The following ARFGEF2 variants were observed in gnomAD, a reference collection of about 807,000 sequenced individuals.
The protein encoded by ARFGEF2 is ARF guanine nucleotide exchange factor 2, also known as brefeldin A-inhibited guanine nucleotide-exchange protein 2.
In ARFGEF2, 74 loss-of-function variants were observed where a neutral mutation model predicts 219.9. That is an observed-to-expected ratio of 0.34 (90% CI 0.28 to 0.41). The LOEUF (loss-of-function observed/expected upper bound fraction) is 0.41, where lower values mean the gene tolerates loss of function less well. Among genes scored for constraint, ARFGEF2 ranks in the 10% least tolerant of loss-of-function variants. ARFGEF2 has a pLI of 1.00. For missense variants in ARFGEF2, 1,743 were observed against 2,218.3 expected (o/e 0.79, Z 4.30); for synonymous variants, 733 against 799.2 (o/e 0.92, Z 1.40).
Position 48,973,209 on chromosome 20 carries a change from T to C in ARFGEF2, c.1590T>C (p.Phe530=). The change falls in exon 12 of 39, where the codon TTT becomes TTC. Residue 530 remains phenylalanine, a synonymous_variant. Coordinates refer to ENST00000371917, the MANE Select transcript of ARFGEF2 (RefSeq NM_006420.3). ...YDCDLNAANI[F]ERLVNDLSKI... ...GTGATTTAAATGCTGCTAACATTTTTGAGCGCCTTGTAAATGATTTATCCA... is the reference window on the plus strand; with the variant it reads ...GTGATTTAAATGCTGCTAACATTTTCGAGCGCCTTGTAAATGATTTATCCA... 1 of 1,614,228 alleles carries C rather than the reference T, an allele frequency of 6.2e-7. No homozygotes were observed. The highest frequency in any genetic ancestry group is 2.2e-5 in the East Asian group (1 of 44,882).
At chr20:48,927,463 C>A in intron 1 of ARFGEF2, among the ~76,000 whole-genome samples, 1 of 152,054 alleles carries the variant, frequency 6.6e-6, no homozygotes, top group East Asian at 1.9e-4. Context: ...TCGAGGCGGG[C>A]GGCTCAGTTG....
At chr20:48,953,827 TGA>T in intron 6 of ARFGEF2, 37 bp downstream of exon 6, 1 of 1,588,896 alleles carries the variant, frequency 6.3e-7, no homozygotes, top group Non-Finnish European at 8.6e-7. Context: ...TTTCCAAGTG[TGA>T]GAGGGAATCA....
intron 1 of ARFGEF2, among the ~76,000 whole-genome samples, chr20:48,926,136 A>G (rs1436614601): frequency 6.6e-6 from 1 of 152,214 alleles, no homozygotes; most frequent in African/African-American, 2.4e-5. Context: ...GTATAAACAC[A>G]GGCAATCTGG....
Position 49,033,444 on chromosome 20 carries a change from AT to A in ARFGEF2, c.*250del. On this transcript the variant is annotated 3_prime_UTR_variant, in exon 39 of 39. Transcript: ENST00000371917. ...GAGTCTGCTTCATTTCTATCATTCC[AT>A]TTTTCTGATTAAACTGTCAAATCTG... The A allele has an allele frequency of 2.0e-6, 1 of 505,664 alleles. No homozygotes were observed. Among genetic ancestry groups the A allele is most frequent in the East Asian group, 3.3e-5 (1 of 30,518 alleles). The allele number at this position is 505,664 out of a possible 1,614,324, so 31.3% of individuals were successfully genotyped here.
At position 48,929,832 on chromosome 20, in the gene ARFGEF2, G is replaced by C. The variant is rs577505628; in HGVS notation, c.121+7822G>C. Among the ~76,000 whole-genome samples, 3 of 152,330 alleles carry C rather than the reference G, an allele frequency of 2.0e-5. No individual in the cohort carries two copies. In the East Asian group the frequency reaches 5.8e-4, roughly 29 times the overall value. On this transcript the variant is annotated intron_variant, in intron 1 of 38. Coordinates refer to ENST00000371917, the MANE Select transcript of ARFGEF2 (RefSeq NM_006420.3). ...AGCAAAGAGAGTGGAGATGGAGTGG[G>C]AGTGGGAGAGGTAGGCCAAGACCCC... is the stretch of plus-strand genomic sequence containing the variant.
intron 1 of ARFGEF2, among the ~76,000 whole-genome samples, chr20:48,922,289 T>G (rs2090847339): frequency 6.6e-6 from 1 of 152,168 alleles, no homozygotes. Flanking sequence ...GTTTCCTGGT[T>G]CCTCCCCTCA....
chr20:48,989,795 CTACT>C (rs1182812136), intron 20 of ARFGEF2, 111 bp downstream of exon 20: 20 of 1,508,270 alleles, frequency 1.3e-5, no homozygotes, highest in Admixed American at 1.2e-4. Context: ...TCTTAGCAAG[CTACT>C]TACTTATGCC....
At chr20:49,000,749 A>G (rs537908981) in intron 25 of ARFGEF2, among the ~76,000 whole-genome samples, 46 of 152,344 alleles carry the variant, frequency 3.0e-4, no homozygotes, top group African/African-American at 1.1e-3. Context: ...TCTCTCAGAA[A>G]TGACTAGCTA....
intron 26 of ARFGEF2, among the ~76,000 whole-genome samples, chr20:49,007,592 CT>C (rs752508908): frequency 0.011 from 1,122 of 97,836 alleles, 17 homozygotes; most frequent in African/African-American, 0.034. Flanking sequence ...CCTGGTGTTG[CT>C]TTTTTTTTTT....
Position 48,921,802 on chromosome 20 carries a change from C to A in ARFGEF2, c.-88C>A. 8.2e-7 allele frequency: 1 copy of A among 1,220,012 alleles called. No individual in the cohort carries two copies. Among genetic ancestry groups the A allele is most frequent in the South Asian group, 3.1e-5 (1 of 32,476 alleles). 75.6% of individuals were successfully genotyped at this position (1,220,012 alleles called of 1,614,324 possible). On this transcript the variant is annotated 5_prime_UTR_variant, in exon 1 of 39. Coordinates refer to ENST00000371917, the MANE Select transcript of ARFGEF2 (RefSeq NM_006420.3). ...CGGCGCGGACGGACGCGGCCGGTGC[C>A]GGCCGGGACGCCGGGCCCGCAGCCT...
intron 8 of ARFGEF2, 116 bp from the exon 9 acceptor site, chr20:48,969,031 G>A: frequency 2.1e-6 from 2 of 973,874 alleles, no homozygotes; most frequent in East Asian, 2.6e-5. Flanking sequence ...TGCCATCATG[G>A]CTTACTGCAG....
chr20:48,970,967 A>G (rs1234110473), intron 9 of ARFGEF2, among the ~76,000 whole-genome samples, 153 bp from the exon 10 acceptor site: 1 of 152,232 alleles, frequency 6.6e-6, no homozygotes, highest in Admixed American at 6.5e-5. Flanking sequence ...GAAGGACCCA[A>G]CTCATGCCAT....
At chr20:48,930,767 T>C (rs923313122) in intron 1 of ARFGEF2, among the ~76,000 whole-genome samples, 1 of 151,852 alleles carries the variant, frequency 6.6e-6, no homozygotes, top group East Asian at 1.9e-4. Flanking sequence ...AGATAGGAAT[T>C]TGGGAGTCAG....
chr20:48,964,049 T>C (rs764618843), intron 7 of ARFGEF2, 151 bp downstream of exon 7: 7 of 752,394 alleles, frequency 9.3e-6, no homozygotes, highest in Non-Finnish European at 1.6e-5. Flanking sequence ...GCCCATCTTT[T>C]ATATGGGATT....
intron 37 of ARFGEF2, among the ~76,000 whole-genome samples, chr20:49,030,352 G>T (rs1478562202): frequency 2.0e-5 from 3 of 150,114 alleles, no homozygotes; most frequent in African/African-American, 4.9e-5. Context: ...TAGAGTCAGG[G>T]TCTTGCTATG....
chr20:48,944,881 A>G (rs762230469), intron 3 of ARFGEF2, among the ~76,000 whole-genome samples: 46 of 152,168 alleles, frequency 3.0e-4, no homozygotes, highest in Non-Finnish European at 5.7e-4. Context: ...TTATTGGAAC[A>G]CAGCTGTCTT....
intron 1 of ARFGEF2, 145 bp from the exon 2 acceptor site, chr20:48,941,054 T>G: frequency 1.3e-6 from 1 of 741,242 alleles, no homozygotes; most frequent in Non-Finnish European, 2.3e-6. Context: ...CTGTTACAAT[T>G]ATTTCTTTCA....
At chr20:48,935,791 CCCGGACGGGGCGGCTGG>C (rs2090946116) in intron 1 of ARFGEF2, among the ~76,000 whole-genome samples, 2 of 147,148 alleles carry the variant, frequency 1.4e-5, no homozygotes, top group African/African-American at 5.0e-5. Context: ...CCACCTCCCT[CCCGGACGGGGCGGCTGG>C]CCGGGCGGGG....
At chr20:48,936,260 C>T (rs1377849527) in intron 1 of ARFGEF2, among the ~76,000 whole-genome samples, 1 of 148,012 alleles carries the variant, frequency 6.8e-6, no homozygotes, top group Non-Finnish European at 1.5e-5. Flanking sequence ...GCTGACCCCC[C>T]CACCCCTGCC....
Sources: gnomAD v4.1 joint callset for allele counts (sites outside exome capture counted in the v4.1 genomes callset) on GRCh38, gnomAD v4.1.1 for gene constraint, MANE v1.5 for transcripts, NCBI Gene and HGNC (gene_info 2026-07-23, HGNC 2026-07-21) for gene names.